SORCS3: variants seen among roughly 807,000 people sequenced by gnomAD.
SORCS3 encodes the protein VPS10 domain-containing receptor SorCS3.
In SORCS3, 57 loss-of-function variants were observed where a neutral mutation model predicts 146.3. The ratio of observed to expected loss-of-function variants is 0.39; its 90% CI spans 0.31 to 0.49. SORCS3 has a LOEUF of 0.49. Among genes scored for constraint, SORCS3 ranks in the 20% least tolerant of loss-of-function variants. The pLI is 0.92. For synonymous variants in SORCS3, 653 were observed against 618.5 expected (o/e 1.06, Z -0.83); for missense variants, 1,341 against 1,575.5 (o/e 0.85, Z 2.52).
chr10:104,676,154 C>A (rs2133261129), intron 1 of SORCS3, among the ~76,000 whole-genome samples: 1 of 152,120 alleles, frequency 6.6e-6, no homozygotes. Flanking sequence ...CATCTGTGAA[C>A]AAAGGTGTTT....
intron 13 of SORCS3, among the ~76,000 whole-genome samples, chr10:105,173,816 T>G (rs1396394009): frequency 6.6e-6 from 1 of 152,232 alleles, no homozygotes; most frequent in African/African-American, 2.4e-5. Flanking sequence ...CTTTTTCATA[T>G]TAGACCTTTC....
chr10:105,087,674 G>A (rs1368784852), intron 5 of SORCS3, among the ~76,000 whole-genome samples: 1 of 152,096 alleles, frequency 6.6e-6, no homozygotes, highest in Non-Finnish European at 1.5e-5. Context: ...CACCTAATAT[G>A]TACTACACAC....
At chr10:105,253,833 A>G (rs1317704991) in intron 23 of SORCS3, among the ~76,000 whole-genome samples, 2 of 152,256 alleles carry the variant, frequency 1.3e-5, no homozygotes, top group East Asian at 3.8e-4. Flanking sequence ...GCAGGGTTGC[A>G]TATTGAAGTT....
chr10:105,247,316 G>A lies in SORCS3; in HGVS notation c.3090G>A (p.Lys1030=). ...EWRKDIGNVI[K]RALVKVTSVP... Reference sequence around the variant, plus strand: ...GAAAAGATATTGGCAATGTCATCAAGCGAGCTCTGGTTAAAGTAAGTTGGC... The same window carrying A: ...GAAAAGATATTGGCAATGTCATCAAACGAGCTCTGGTTAAAGTAAGTTGGC... The change falls in exon 22 of 27, where the codon AAG becomes AAA. Residue 1030 remains lysine, a synonymous_variant. Transcript: ENST00000369701. The A allele has an allele frequency of 6.2e-7, 1 of 1,604,654 alleles. No homozygotes were observed. The highest frequency in any genetic ancestry group is 8.5e-7 in the Non-Finnish European group (1 of 1,172,140).
intron 2 of SORCS3, among the ~76,000 whole-genome samples, chr10:104,886,393 T>C (rs1479653450): frequency 6.6e-6 from 1 of 152,190 alleles, no homozygotes; most frequent in Non-Finnish European, 1.5e-5. Flanking sequence ...TAATGGTGAA[T>C]TATTCCATTT....
chr10:105,002,930 G>A (rs1027997104), intron 4 of SORCS3, among the ~76,000 whole-genome samples: 1 of 152,158 alleles, frequency 6.6e-6, no homozygotes, highest in Non-Finnish European at 1.5e-5. Context: ...CCATTGTATT[G>A]GCTTTATTTG....
intron 3 of SORCS3, among the ~76,000 whole-genome samples, chr10:104,923,572 C>G (rs751096056): frequency 2.6e-5 from 4 of 152,178 alleles, no homozygotes; most frequent in Non-Finnish European, 4.4e-5. Flanking sequence ...ACACGCATTA[C>G]CCAGGGACGC....
chr10:104,921,696 G>A (rs781662050), intron 3 of SORCS3, among the ~76,000 whole-genome samples: 6 of 151,850 alleles, frequency 4.0e-5, no homozygotes, highest in Admixed American at 1.3e-4. Context: ...TTTGACAGAC[G>A]AAGAAACTGA....
At chr10:104,888,384 TA>T (rs2018713966) in intron 2 of SORCS3, among the ~76,000 whole-genome samples, 1 of 152,214 alleles carries the variant, frequency 6.6e-6, no homozygotes. Context: ...ATTTTCCTGT[TA>T]AGGATCAGAC....
At chr10:104,900,912 C>T (rs1217449630) in intron 2 of SORCS3, among the ~76,000 whole-genome samples, 11 of 102,820 alleles carry the variant, frequency 1.1e-4, no homozygotes, top group African/African-American at 4.0e-4. Flanking sequence ...GGGAGGGGGG[C>T]GGGGAAAGAA....
intron 14 of SORCS3, among the ~76,000 whole-genome samples, chr10:105,194,708 G>GTATC (rs1229246328): frequency 2.0e-5 from 3 of 152,064 alleles, no homozygotes; most frequent in African/African-American, 7.2e-5. Context: ...AGTACTAAAA[G>GTATC]TATCCCCAGG....
intron 4 of SORCS3, among the ~76,000 whole-genome samples, chr10:104,988,280 G>A (rs979097354): frequency 2.6e-5 from 4 of 152,074 alleles, no homozygotes; most frequent in African/African-American, 4.8e-5. Context: ...CCACTTTTAC[G>A]CTGAACCCCA....
At position 105,147,793 on chromosome 10, in the gene SORCS3, T is replaced by C; in HGVS notation, c.1479T>C (p.Tyr493=). ...TGGGGAACATCATTATTGAATTGTA[T>C]GAGGTATGTAGCCAAAATTCTCCTT... The part of the protein sequence containing the change: ...GLMGNIIIEL[Y]EVAGIKGIFL... Residue 493 remains tyrosine, a synonymous_variant, in exon 9 of 27, where the codon TAT becomes TAC. Coordinates refer to ENST00000369701, the MANE Select transcript of SORCS3 (RefSeq NM_014978.3). 7.5e-6 allele frequency: 12 copies of C among 1,610,050 alleles called. No individual in the cohort carries two copies. Among genetic ancestry groups the C allele is most frequent in the Non-Finnish European group, 8.5e-6 (10 of 1,177,694 alleles).
intron 7 of SORCS3, among the ~76,000 whole-genome samples, chr10:105,112,546 A>G (rs905584546): frequency 2.0e-5 from 3 of 152,148 alleles, no homozygotes; most frequent in Non-Finnish European, 4.4e-5. Flanking sequence ...CAGATGCTAT[A>G]TGAGCACAGT....
intron 7 of SORCS3, among the ~76,000 whole-genome samples, chr10:105,120,312 T>C (rs1171494321): frequency 6.6e-6 from 1 of 152,192 alleles, no homozygotes; most frequent in Non-Finnish European, 1.5e-5. Flanking sequence ...TTAAACCCCT[T>C]TTCTCCTTTC....
intron 2 of SORCS3, among the ~76,000 whole-genome samples, chr10:104,856,702 G>T (rs1351027073): frequency 6.9e-6 from 1 of 144,688 alleles, no homozygotes; most frequent in Non-Finnish European, 1.5e-5. Context: ...CCTTTCTATT[G>T]CTTTCTCTTT....
intron 1 of SORCS3, among the ~76,000 whole-genome samples, chr10:104,816,994 T>C (rs1172728566): frequency 6.6e-6 from 1 of 152,174 alleles, no homozygotes; most frequent in Non-Finnish European, 1.5e-5. Flanking sequence ...AGAGCCTGTA[T>C]CCACCTTCGT....
chr10:105,216,919 G>A lies in SORCS3; in HGVS notation c.2548-17G>A. On this transcript the variant is annotated splice_polypyrimidine_tract_variant and intron_variant, in intron 18 of 26. Coordinates refer to ENST00000369701, the MANE Select transcript of SORCS3 (RefSeq NM_014978.3). ...CTGGACCAAGTAAATTGACCCGTCT[G>A]CTATGCCATCTTGCAGGGTGATCTA... 3.1e-6 allele frequency: 5 copies of A among 1,613,932 alleles called. No homozygotes were observed. The highest frequency in any genetic ancestry group is 4.2e-6 in the Non-Finnish European group (5 of 1,179,874).
intron 4 of SORCS3, among the ~76,000 whole-genome samples, chr10:104,992,745 C>A (rs1256968955): frequency 6.6e-6 from 1 of 152,196 alleles, no homozygotes. Context: ...CTTCATCTAG[C>A]TAGTTCTGAG....
Sources: gnomAD v4.1 joint callset for allele counts (sites outside exome capture counted in the v4.1 genomes callset) on GRCh38, gnomAD v4.1.1 for gene constraint, MANE v1.5 for transcripts, NCBI Gene and HGNC (gene_info 2026-07-23, HGNC 2026-07-21) for gene names.